The following PPP1CB variants were observed in gnomAD, a reference collection of about 807,000 sequenced individuals.
The protein encoded by PPP1CB is protein phosphatase 1 catalytic subunit beta.
A neutral mutation model predicts 43.7 loss-of-function variants in PPP1CB; 2 were observed. The observed-to-expected ratio is 0.05, with a 90% CI of 0.02 to 0.14. The LOEUF is 0.14. Ranked by LOEUF, PPP1CB falls within the 10% of genes least tolerant of loss-of-function variation. The pLI is 1.00. For synonymous variants in PPP1CB, 136 were observed against 135.6 expected (o/e 1.00, Z -0.02); for missense variants, 84 against 398.0 (o/e 0.21, Z 6.71).
chr2:28,781,947 A>G (rs561013580), intron 4 of PPP1CB, 105 bp downstream of exon 4: 3 of 786,494 alleles, frequency 3.8e-6, no homozygotes, highest in Non-Finnish European at 6.7e-6. Flanking sequence ...GCTTGTATGA[A>G]AACTCAAGTG....
chr2:28,770,592 G>A (rs1369992346), intron 1 of PPP1CB, among the ~76,000 whole-genome samples: 1 of 151,930 alleles, frequency 6.6e-6, no homozygotes. Context: ...AAAACTAAAA[G>A]GAAAGGTTGA....
intron 7 of PPP1CB, among the ~76,000 whole-genome samples, chr2:28,796,817 AG>A (rs902182955): frequency 2.0e-5 from 3 of 152,102 alleles, no homozygotes; most frequent in African/African-American, 7.2e-5. Flanking sequence ...TCTGTTGAAT[AG>A]GGGTGGTGAG....
chr2:28,762,653 C>T (rs997065201), intron 1 of PPP1CB, among the ~76,000 whole-genome samples: 2 of 152,176 alleles, frequency 1.3e-5, no homozygotes, highest in Admixed American at 1.3e-4. Flanking sequence ...GAAATTATAT[C>T]CATGAATTTT....
intron 1 of PPP1CB, among the ~76,000 whole-genome samples, chr2:28,765,497 AT>A (rs918994305): frequency 1.3e-5 from 2 of 152,126 alleles, no homozygotes; most frequent in East Asian, 1.9e-4. Flanking sequence ...ATATATGGAA[AT>A]TTTTTTTGCG....
At chr2:28,774,485 G>A (rs1558303568) in intron 1 of PPP1CB, among the ~76,000 whole-genome samples, 1 of 152,116 alleles carries the variant, frequency 6.6e-6, no homozygotes, top group African/African-American at 2.4e-5. Context: ...GAGTGCTGTG[G>A]TGCGATCTCG....
intron 7 of PPP1CB, 108 bp downstream of exon 7, chr2:28,794,105 T>A: frequency 2.2e-6 from 2 of 912,300 alleles, no homozygotes; most frequent in African/African-American, 1.7e-5. Flanking sequence ...AAAGTCTGTT[T>A]AATTCAGAAG....
At chr2:28,771,211 G>A (rs564382170) in intron 1 of PPP1CB, among the ~76,000 whole-genome samples, 4 of 151,966 alleles carry the variant, frequency 2.6e-5, no homozygotes, top group African/African-American at 7.2e-5. Context: ...CTGCCATCAC[G>A]CCTGGCTAAT....
rs2148066167 is a variant in PPP1CB, at chr2:28,802,059, G to T, written c.*2756G>T. ...AACATTCGTGAAATGATTTTTTTTA[G>T]CTGAAAAATGCTGGCAAGAAGAATT... On this transcript the variant is annotated 3_prime_UTR_variant, in exon 8 of 8. Coordinates refer to ENST00000395366, the MANE Select transcript of PPP1CB (RefSeq NM_002709.3). 1 of 152,112 alleles carries T rather than the reference G, an allele frequency of 6.6e-6. No individual in the cohort carries two copies. The highest frequency in any genetic ancestry group is 3.4e-3 in the Middle Eastern group (1 of 294). 9.4% of individuals were successfully genotyped at this position (152,112 alleles called of 1,614,324 possible). A position where few individuals can be genotyped will look rare whatever the true frequency, so the allele number is the denominator to read the frequency against.
chr2:28,762,628 A>G (rs1391742061), intron 1 of PPP1CB, among the ~76,000 whole-genome samples: 1 of 152,238 alleles, frequency 6.6e-6, no homozygotes, highest in African/African-American at 2.4e-5. Context: ...GAATTTTAAA[A>G]GAGATGTGGA....
intron 1 of PPP1CB, among the ~76,000 whole-genome samples, chr2:28,766,970 A>G (rs903158856): frequency 6.6e-5 from 10 of 152,012 alleles, no homozygotes; most frequent in African/African-American, 1.4e-4. Context: ...GGTCCCAGCT[A>G]CTTGGGAGGC....
At chr2:28,756,433 C>T (rs1260134044) in intron 1 of PPP1CB, among the ~76,000 whole-genome samples, 2 of 152,156 alleles carry the variant, frequency 1.3e-5, no homozygotes, top group East Asian at 1.9e-4. Context: ...TCTCTTAGTG[C>T]GTATCTCCCT....
intron 6 of PPP1CB, among the ~76,000 whole-genome samples, chr2:28,791,686 C>T (rs953986300): frequency 1.1e-4 from 17 of 152,096 alleles, no homozygotes; most frequent in African/African-American, 4.1e-4. Context: ...AATATGCCTT[C>T]TATTAAATAA....
chr2:28,784,475 G>A (rs975292371), intron 5 of PPP1CB, among the ~76,000 whole-genome samples: 1 of 151,732 alleles, frequency 6.6e-6, no homozygotes, highest in African/African-American at 2.4e-5. Context: ...TGTTGCCCAG[G>A]CTGGCCTTGA....
chr2:28,770,968 A>G (rs565536310), intron 1 of PPP1CB, among the ~76,000 whole-genome samples: 388 of 151,226 alleles, frequency 2.6e-3, no homozygotes, highest in Non-Finnish European at 4.8e-3. Flanking sequence ...GAGAGATACC[A>G]TATTTGTGGA....
Position 28,787,188 on chromosome 2 carries a change from G to A in PPP1CB, c.593-1470G>A, listed in dbSNP as rs188694234. 1.7e-4 allele frequency among the ~76,000 whole-genome samples: 26 copies of A among 152,156 alleles called. No individual in the cohort carries two copies. The East Asian group carries it at 4.4e-3, about 26-fold the overall frequency. ...AAAAATTATCTTCTTGGCTGGGCGC[G>A]GTGGCTCACACTTGTAATCCCAGCA... On this transcript the variant is annotated intron_variant, in intron 5 of 7. Coordinates refer to ENST00000395366, the MANE Select transcript of PPP1CB (RefSeq NM_002709.3).
At chr2:28,751,814 G>C, upstream of PPP1CB, 1 of 456,746 alleles carries the variant, frequency 2.2e-6, no homozygotes. Flanking sequence ...GGCCGTCGGC[G>C]GCGCTGGTGA....
rs1217895383 is a variant in PPP1CB, at chr2:28,752,055, C to G, written c.-70C>G. The G allele has an allele frequency of 6.9e-7, 1 of 1,448,166 alleles. No individual in the cohort carries two copies. Among genetic ancestry groups the G allele is most frequent in the East Asian group, 2.5e-5 (1 of 40,150 alleles). The allele number at this position is 1,448,166 out of a possible 1,614,324, so 89.7% of individuals were successfully genotyped here. On this transcript the variant is annotated 5_prime_UTR_variant, in exon 1 of 8. Coordinates refer to ENST00000395366, the MANE Select transcript of PPP1CB (RefSeq NM_002709.3). ...ACTTGTAGGTGAGAGAACGCCGAGC[C>G]GTCGCCGCAGCCTCCGCCGCCGAGA... is the stretch of plus-strand genomic sequence containing the variant.
At position 28,800,974 on chromosome 2, in the gene PPP1CB, T is replaced by A. The variant is rs565823771; in HGVS notation, c.*1671T>A. 1 of 152,654 alleles carries A rather than the reference T, an allele frequency of 6.6e-6. No individual in the cohort carries two copies. Among genetic ancestry groups the A allele is most frequent in the South Asian group, 2.1e-4 (1 of 4,828 alleles). 9.5% of individuals were successfully genotyped at this position (152,654 alleles called of 1,614,324 possible). ...AAATGCATATGTCTTTTTTTCTAAT[T>A]CCGTTTTGTTTTAAAGCACATTTTA... On this transcript the variant is annotated 3_prime_UTR_variant, in exon 8 of 8. Transcript: ENST00000395366.
upstream of PPP1CB, chr2:28,751,807 C>T (rs767439438): frequency 8.9e-6 from 4 of 447,398 alleles, no homozygotes; most frequent in Admixed American, 3.6e-5. Flanking sequence ...CGGGTGGGGC[C>T]GTCGGCGGCG....
Sources: gnomAD v4.1 joint callset for allele counts (sites outside exome capture counted in the v4.1 genomes callset) on GRCh38, gnomAD v4.1.1 for gene constraint, MANE v1.5 for transcripts, NCBI Gene and HGNC (gene_info 2026-07-23, HGNC 2026-07-21) for gene names.